Variants in DRAM1 observed in about 807,000 individuals in gnomAD.
DRAM1 encodes DNA damage regulated autophagy modulator 1.
DRAM1 carries 25 observed loss-of-function variants against 28.5 expected under a neutral mutation model. The observed-to-expected ratio is 0.88, with a 90% CI of 0.64 to 1.23. DRAM1 has a LOEUF of 1.23. DRAM1 is among the 50% of genes most tolerant of loss of function. DRAM1 has a pLI of 0.00. For synonymous variants in DRAM1, 113 were observed against 114.2 expected (o/e 0.99, Z 0.07); for missense variants, 249 against 299.2 (o/e 0.83, Z 1.24).
At position 101,888,786 on chromosome 12, in the gene DRAM1, ATTTTTTTTTTTTT is replaced by A. The variant is rs34825466; in HGVS notation, c.132-9059_132-9047del. Among the ~76,000 whole-genome samples, 2,360 of 107,960 alleles carry A rather than the reference ATTTTTTTTTTTTT, an allele frequency of 0.022. 172 individuals carry two copies. The East Asian group carries it at 0.24, about 11-fold the overall frequency. 70.8% of individuals were successfully genotyped at this position (107,960 alleles called of 152,430 possible). A position where few individuals can be genotyped will look rare whatever the true frequency, so the allele number is the denominator to read the frequency against. ...GGGCTGATGACTTTCAAACATCTCAATTTTTTTTTTTTTTTTTTTTTTTTTTTTTTGGTCAGGG... is the reference window on the plus strand; with the variant it reads ...GGGCTGATGACTTTCAAACATCTCAATTTTTTTTTTTTTTTTTGGTCAGGG... On this transcript the variant is annotated intron_variant, in intron 1 of 6. Coordinates refer to ENST00000258534, the MANE Select transcript of DRAM1 (RefSeq NM_018370.3).
intron 3 of DRAM1, among the ~76,000 whole-genome samples, chr12:101,906,345 T>C (rs1873808054): frequency 6.6e-6 from 1 of 152,162 alleles, no homozygotes. Flanking sequence ...ATGGCAAATA[T>C]TGTGGTGCTG....
chr12:101,898,138 A>G (rs762314665), intron 2 of DRAM1, among the ~76,000 whole-genome samples: 70 of 152,028 alleles, frequency 4.6e-4, no homozygotes, highest in Non-Finnish European at 7.5e-4. Flanking sequence ...CTCCCACCTC[A>G]GCCTCCGGAG....
chr12:101,915,717 A>G (rs1007583239), intron 5 of DRAM1, among the ~76,000 whole-genome samples: 1 of 151,752 alleles, frequency 6.6e-6, no homozygotes, highest in African/African-American at 2.4e-5. Flanking sequence ...GTGCACCACC[A>G]TGCCCAGCTA....
intron 3 of DRAM1, among the ~76,000 whole-genome samples, chr12:101,904,426 GGTTTTTTTTTTTTTTTTTTT>G (rs1404407271): frequency 6.9e-4 from 27 of 39,148 alleles, no homozygotes; most frequent in South Asian, 3.2e-3. Flanking sequence ...GAGCTTTAGG[GGTTTTTTTTTTTTTTTTTTT>G]TTTTTTTTTT....
intron 1 of DRAM1, among the ~76,000 whole-genome samples, chr12:101,893,883 C>A (rs549635574): frequency 6.6e-6 from 1 of 150,798 alleles, no homozygotes; most frequent in South Asian, 2.1e-4. Context: ...AATCTTAGTC[C>A]CAAATATTCT....
intron 1 of DRAM1, among the ~76,000 whole-genome samples, chr12:101,884,379 A>G (rs1394013699): frequency 6.6e-6 from 1 of 151,510 alleles, no homozygotes; most frequent in African/African-American, 2.4e-5. Flanking sequence ...CAAAAAAAAA[A>G]AAAAAAAAAA....
At chr12:101,905,714 G>C (rs112704698) in intron 3 of DRAM1, among the ~76,000 whole-genome samples, 17,131 of 151,788 alleles carry the variant, frequency 0.11, 1,017 homozygotes, top group Middle Eastern at 0.18. Context: ...CTCAGCCTCC[G>C]AAGTAGCTGG....
At chr12:101,885,451 T>A (rs1369935049) in intron 1 of DRAM1, among the ~76,000 whole-genome samples, 1 of 151,866 alleles carries the variant, frequency 6.6e-6, no homozygotes, top group Non-Finnish European at 1.5e-5. Flanking sequence ...ATGAACCACA[T>A]TAAGCTTTTG....
chr12:101,905,596 A>T (rs545784622), intron 3 of DRAM1, among the ~76,000 whole-genome samples: 6 of 150,194 alleles, frequency 4.0e-5, no homozygotes, highest in Non-Finnish European at 8.9e-5. Flanking sequence ...ATTTATTTTT[A>T]TTTTATTTTT....
chr12:101,921,066 G>A lies in DRAM1; in HGVS notation c.673-150G>A, dbSNP rs1874463201. 1.2e-5 allele frequency: 8 copies of A among 662,138 alleles called. No individual in the cohort carries two copies. In the East Asian group the frequency reaches 2.2e-4, roughly 18 times the overall value. 41.0% of individuals were successfully genotyped at this position (662,138 alleles called of 1,614,324 possible). A position where few individuals can be genotyped will look rare whatever the true frequency, so the allele number is the denominator to read the frequency against. ...ATTATTAGCTCAAAGGATATAGAAA[G>A]CCAAGAAAATTCTTTAGGACCTGAC... On this transcript the variant is annotated intron_variant, in intron 6 of 6. Coordinates refer to ENST00000258534, the MANE Select transcript of DRAM1 (RefSeq NM_018370.3).
At position 101,900,873 on chromosome 12, in the gene DRAM1, A is replaced by G. The variant is rs141373771; in HGVS notation, c.200-418A>G. On this transcript the variant is annotated intron_variant, in intron 2 of 6. Transcript: ENST00000258534. ...TTGTAGCAGGAAAAACATGGAAACA[A>G]TGTAGAAATTCATTCTTAGGAGAAT... is the stretch of plus-strand genomic sequence containing the variant. 5.1e-3 allele frequency among the ~76,000 whole-genome samples: 777 copies of G among 152,274 alleles called. 7 individuals are homozygous for G. Among genetic ancestry groups the G allele is most frequent in the South Asian group, 6.2e-3 (30 of 4,824 alleles).
intron 1 of DRAM1, among the ~76,000 whole-genome samples, chr12:101,879,907 C>G (rs1176633567): frequency 6.6e-6 from 1 of 151,600 alleles, no homozygotes; most frequent in Non-Finnish European, 1.5e-5. Context: ...GGCAGAATTG[C>G]TTGAACCCGG....
rs1270622912 is a variant in DRAM1, at chr12:101,877,848, C to CA, written c.60dup (p.Ala21SerfsTer25). ...CCCTTCCTCTTGGTGACCTGGTCGT[C>CA]AGCCGCCTTCATTATCTCCTACGTG... On this transcript the variant is annotated frameshift_variant, in exon 1 of 7. Coordinates refer to ENST00000258534, the MANE Select transcript of DRAM1 (RefSeq NM_018370.3). LOFTEE classifies it high-confidence loss of function. This position sits in a 1 kb window ranked among gnomAD's most constrained non-coding sequence, Gnocchi z 4.1. The CA allele has an allele frequency of 6.5e-7, 1 of 1,547,468 alleles. No individual in the cohort carries two copies. The highest frequency in any genetic ancestry group is 1.4e-5 in the African/African-American group (1 of 73,036).
intron 4 of DRAM1, among the ~76,000 whole-genome samples, chr12:101,909,271 A>AAAAAAAAAAAAGG (rs1873947934): frequency 6.6e-6 from 1 of 151,922 alleles, no homozygotes; most frequent in African/African-American, 2.4e-5. Flanking sequence ...CAAAAAAAAA[A>AAAAAAAAAAAAGG]GTGTAGATCA....
intron 1 of DRAM1, among the ~76,000 whole-genome samples, chr12:101,881,215 G>C (rs1274886457): frequency 6.6e-6 from 1 of 152,182 alleles, no homozygotes; most frequent in Non-Finnish European, 1.5e-5. Context: ...GGGAGGCAGA[G>C]GTTGCCGTGA....
intron 1 of DRAM1, among the ~76,000 whole-genome samples, chr12:101,897,148 G>T (rs1045633418): frequency 3.3e-5 from 5 of 152,036 alleles, no homozygotes; most frequent in Non-Finnish European, 5.9e-5. Context: ...AAAATAAAGT[G>T]ATGTGTTTAT....
At chr12:101,919,213 T>C (rs1400300310) in intron 5 of DRAM1, among the ~76,000 whole-genome samples, 1 of 151,886 alleles carries the variant, frequency 6.6e-6, no homozygotes, top group Non-Finnish European at 1.5e-5. Flanking sequence ...AGTTTTAAAA[T>C]TAGTTTCCAG....
intron 1 of DRAM1, among the ~76,000 whole-genome samples, chr12:101,892,804 T>C (rs1873188693): frequency 6.6e-6 from 1 of 152,224 alleles, no homozygotes; most frequent in African/African-American, 2.4e-5. Flanking sequence ...TGATAATTGT[T>C]ATCTGATAGA....
At chr12:101,882,321 A>C (rs1872718794) in intron 1 of DRAM1, among the ~76,000 whole-genome samples, 2 of 150,692 alleles carry the variant, frequency 1.3e-5, no homozygotes, top group East Asian at 4.3e-4. Context: ...CATGTTAGTC[A>C]GGATGGTCTC....
Sources: allele counts gnomAD v4.1 joint callset (sites outside exome capture counted in the v4.1 genomes callset), GRCh38; gene constraint gnomAD v4.1.1; non-coding constraint Gnocchi (gnomAD v3.1); transcripts MANE v1.5; gene names NCBI Gene and HGNC (gene_info 2026-07-23, HGNC 2026-07-21).